Variants in PRKDC observed in about 807,000 individuals in gnomAD.
PRKDC encodes protein kinase, DNA-activated, catalytic subunit.
A neutral mutation model predicts 486.9 loss-of-function variants in PRKDC; 82 were observed. The observed-to-expected ratio is 0.17, with a 90% CI of 0.14 to 0.20. The LOEUF is 0.20. Among genes scored for constraint, PRKDC ranks in the 10% least tolerant of loss-of-function variants. The pLI is 1.00. For synonymous variants in PRKDC, 1,895 were observed against 1,837.0 expected, an observed-to-expected ratio of 1.03 and a Z score of -0.81; for missense variants, 4,504 against 5,038.2, an observed-to-expected ratio of 0.89 and a Z score of 3.21.
intron 20 of PRKDC, 70 bp from the exon 21 acceptor site, chr8:47,927,423 G>A: frequency 6.8e-7 from 1 of 1,479,366 alleles, no homozygotes. Context: ...AAAACACCAA[G>A]TAATTGTGAT....
intron 76 of PRKDC, among the ~76,000 whole-genome samples, chr8:47,787,522 T>TTTGG (rs577778945): frequency 3.0e-4 from 46 of 152,368 alleles, no homozygotes; most frequent in South Asian, 1.7e-3. Context: ...TTATTTTTGA[T>TTTGG]TTGGTACAAG....
At chr8:47,915,957 C>T (rs1162704910) in intron 22 of PRKDC, among the ~76,000 whole-genome samples, 1 of 152,170 alleles carries the variant, frequency 6.6e-6, no homozygotes, top group East Asian at 1.9e-4. Flanking sequence ...ATGAACTCTA[C>T]GTACTCTACT....
chr8:47,849,369 C>A lies in PRKDC; in HGVS notation c.7130+10G>T, dbSNP rs1360697702. The A allele has an allele frequency of 6.2e-7, 1 of 1,613,932 alleles. No homozygotes were observed. Among genetic ancestry groups the A allele is most frequent in the Non-Finnish European group, 8.5e-7 (1 of 1,179,856 alleles). ...CTCCTGCCCCGAAAGGATCCCTGGA[C>A]AGCCCATACCTGTCTGCAAGAGGAG... On this transcript the variant is annotated intron_variant, in intron 53 of 85. Coordinates refer to ENST00000314191, the MANE Select transcript of PRKDC (RefSeq NM_006904.7).
At chr8:47,926,824 T>C (rs2090165059) in intron 21 of PRKDC, 1 of 158,904 alleles carries the variant, frequency 6.3e-6, no homozygotes, top group South Asian at 2.0e-4. Flanking sequence ...AAAGTAAAAA[T>C]ACAAAATTAC....
At chr8:47,789,961 G>A (rs1168491930) in intron 74 of PRKDC, among the ~76,000 whole-genome samples, 1 of 152,186 alleles carries the variant, frequency 6.6e-6, no homozygotes, top group African/African-American at 2.4e-5. Context: ...CACAGCTAGT[G>A]TCATACTGAA....
chr8:47,944,808 T>A (rs1357053452), intron 7 of PRKDC, among the ~76,000 whole-genome samples: 1 of 152,180 alleles, frequency 6.6e-6, no homozygotes, highest in Non-Finnish European at 1.5e-5. Flanking sequence ...GACTGACATA[T>A]TTGAGACAGA....
chr8:47,893,843 CT>C (rs2089517486), intron 30 of PRKDC, among the ~76,000 whole-genome samples: 1 of 152,150 alleles, frequency 6.6e-6, no homozygotes. Context: ...AGGAAATTTT[CT>C]TTTAAATATT....
At chr8:47,912,314 A>G in intron 25 of PRKDC, 96 bp downstream of exon 25, 1 of 1,333,884 alleles carries the variant, frequency 7.5e-7, no homozygotes, top group Non-Finnish European at 9.9e-7. Context: ...ATCGTTCCTA[A>G]CCATCTCCAG....
chr8:47,858,206 T>G (rs76366067), intron 48 of PRKDC, among the ~76,000 whole-genome samples: 1 of 151,858 alleles, frequency 6.6e-6, no homozygotes, highest in Admixed American at 6.5e-5. Context: ...CTTTTTTTTT[T>G]CCTACTATAA....
chr8:47,891,374 A>G (rs2089452027), intron 31 of PRKDC, among the ~76,000 whole-genome samples: 2 of 152,228 alleles, frequency 1.3e-5, no homozygotes, highest in South Asian at 4.1e-4. Flanking sequence ...GTTAAAAATA[A>G]TTTTGATAAC....
chr8:47,839,856 C>T (rs905895356), intron 55 of PRKDC, among the ~76,000 whole-genome samples, 160 bp downstream of exon 55: 18 of 152,284 alleles, frequency 1.2e-4, no homozygotes, highest in African/African-American at 4.3e-4. Flanking sequence ...CACCCATAGA[C>T]CCAGCTACGC....
intron 54 of PRKDC, among the ~76,000 whole-genome samples, chr8:47,842,781 G>A (rs1589735963): frequency 6.6e-6 from 1 of 152,212 alleles, no homozygotes; most frequent in Admixed American, 6.5e-5. Context: ...TCCGGATGGC[G>A]AGAAAGCTCA....
chr8:47,888,737 T>C (rs1355374053), intron 33 of PRKDC, 87 bp from the exon 34 acceptor site: 3 of 1,443,170 alleles, frequency 2.1e-6, no homozygotes, highest in African/African-American at 2.9e-5. Context: ...TGCACTGTTA[T>C]GAAGCAAACA....
Position 47,888,634 on chromosome 8 carries a change from C to A in PRKDC, c.4297G>T (p.Ala1433Ser). The change falls in exon 34 of 86, where the codon GCC becomes TCC. Residue 1433 changes from alanine to serine, a missense_variant. Around this residue, in one of 6 missense-constraint regions of PRKDC, gnomAD observed 1,969 missense variants for 2,068.9 expected, o/e 0.95. Coordinates refer to ENST00000314191, the MANE Select transcript of PRKDC (RefSeq NM_006904.7). ...ITAQSIEELCAVNLYGPDAQV... is the reference protein window; with the variant it reads ...ITAQSIEELCSVNLYGPDAQV... ...GCGTCAGGGCCATACAAGTTGACGG[C>A]ACAAAGCTCCTCAATGCTGGCCATG... is the stretch of plus-strand genomic sequence containing the variant. 6.3e-7 allele frequency: 1 copy of A among 1,589,690 alleles called. No homozygotes were observed. Among genetic ancestry groups the A allele is most frequent in the Admixed American group, 1.8e-5 (1 of 55,786 alleles).
intron 42 of PRKDC, 105 bp from the exon 43 acceptor site, chr8:47,862,646 A>G (rs1012022895): frequency 1.7e-6 from 2 of 1,164,730 alleles, no homozygotes; most frequent in Admixed American, 2.8e-5. Context: ...GCCTTTCTCG[A>G]GGGTCAGGCT....
At chr8:47,796,230 C>T (rs2086983153) in intron 73 of PRKDC, among the ~76,000 whole-genome samples, 2 of 152,020 alleles carry the variant, frequency 1.3e-5, no homozygotes, top group South Asian at 4.2e-4. Flanking sequence ...AGACTGACTA[C>T]TTTCTAAAGT....
At chr8:47,944,484 T>TAAAAAAAAAAAAAAA (rs75220935) in intron 7 of PRKDC, among the ~76,000 whole-genome samples, 2 of 99,006 alleles carry the variant, frequency 2.0e-5, no homozygotes, top group African/African-American at 3.3e-5. Flanking sequence ...AGAAAAAAAT[T>TAAAAAAAAAAAAAAA]AAAAAAAAAA....
chr8:47,954,194 T>A (rs1005830421), intron 5 of PRKDC, 144 bp downstream of exon 5: 21 of 465,612 alleles, frequency 4.5e-5, no homozygotes, highest in African/African-American at 3.8e-4. Flanking sequence ...GTTGTTTTTG[T>A]TTGGTTCCAT....
chr8:47,786,976 C>T (rs1212781767), intron 76 of PRKDC, among the ~76,000 whole-genome samples: 3 of 151,886 alleles, frequency 2.0e-5, no homozygotes, highest in African/African-American at 7.3e-5. Flanking sequence ...ATCCGCCCGC[C>T]TCGCGCTCCC....
Sources: gnomAD v4.1 joint callset for allele counts (sites outside exome capture counted in the v4.1 genomes callset) on GRCh38, gnomAD v4.1.1 for gene constraint, gnomAD v4.1.1 regional missense constraint, MANE v1.5 for transcripts, NCBI Gene and HGNC (gene_info 2026-07-23, HGNC 2026-07-21) for gene names.